CTNNA3: variants seen among roughly 807,000 people sequenced by gnomAD.
CTNNA3 encodes catenin alpha 3.
In CTNNA3, 76 loss-of-function variants were observed where a neutral mutation model predicts 95.7. That is an observed-to-expected ratio of 0.79 (90% CI 0.66 to 0.96). CTNNA3 has a LOEUF of 0.96. CTNNA3 is among the 40% of genes least tolerant of loss of function. CTNNA3 has a pLI of 0.00. For synonymous variants in CTNNA3, 431 were observed against 374.4 expected (o/e 1.15, Z -1.74); for missense variants, 1,191 against 1,089.8 (o/e 1.09, Z -1.31).
At chr10:66,856,896 C>T (rs549128832) in intron 7 of CTNNA3, among the ~76,000 whole-genome samples, 1 of 152,182 alleles carries the variant, frequency 6.6e-6, no homozygotes, top group East Asian at 1.9e-4. Flanking sequence ...TGTGCAGAAG[C>T]TCTTTAGTTT....
At chr10:66,361,952 G>C (rs1313530441) in intron 12 of CTNNA3, among the ~76,000 whole-genome samples, 3 of 152,042 alleles carry the variant, frequency 2.0e-5, no homozygotes, top group East Asian at 3.9e-4. Flanking sequence ...ACTGCATTGA[G>C]AGAATACTTT....
At chr10:67,763,343 G>A (rs1841472553) in intron 1 of CTNNA3, among the ~76,000 whole-genome samples, 1 of 151,980 alleles carries the variant, frequency 6.6e-6, no homozygotes, top group African/African-American at 2.4e-5. Context: ...CAAATATTCT[G>A]CTCTCTTCCA....
At chr10:67,384,977 A>C (rs1279274058) in intron 5 of CTNNA3, among the ~76,000 whole-genome samples, 1 of 152,120 alleles carries the variant, frequency 6.6e-6, no homozygotes, top group Non-Finnish European at 1.5e-5. Context: ...TGCCACCAAA[A>C]AGGCCTATTT....
At chr10:67,078,907 C>A (rs983782266) in intron 7 of CTNNA3, among the ~76,000 whole-genome samples, 1 of 152,188 alleles carries the variant, frequency 6.6e-6, no homozygotes, top group African/African-American at 2.4e-5. Flanking sequence ...CAGAGAGAGA[C>A]AGAATATGCC....
chr10:66,246,272 G>C (rs933440722), intron 13 of CTNNA3, among the ~76,000 whole-genome samples: 1 of 152,092 alleles, frequency 6.6e-6, no homozygotes, highest in Non-Finnish European at 1.5e-5. Flanking sequence ...AGAGTGCAGG[G>C]ATGTCTAAGT....
At chr10:65,942,936 T>C (rs1351706200) in intron 17 of CTNNA3, among the ~76,000 whole-genome samples, 1 of 152,202 alleles carries the variant, frequency 6.6e-6, no homozygotes, top group African/African-American at 2.4e-5. Flanking sequence ...TTGCTACAAT[T>C]ATTATAAAGA....
chr10:66,695,918 G>GGT (rs1554837122), intron 9 of CTNNA3, among the ~76,000 whole-genome samples: 3 of 142,010 alleles, frequency 2.1e-5, no homozygotes, highest in South Asian at 5.1e-4. Context: ...GAGACGTAAG[G>GGT]GGGGGGGGCA....
chr10:67,517,248 C>T (rs894192501), intron 5 of CTNNA3, among the ~76,000 whole-genome samples: 5 of 152,092 alleles, frequency 3.3e-5, no homozygotes, highest in African/African-American at 4.8e-5. Flanking sequence ...TTCACATCAT[C>T]ACTAACTCCT....
At chr10:66,962,459 G>A (rs545300442) in intron 7 of CTNNA3, among the ~76,000 whole-genome samples, 2 of 151,668 alleles carry the variant, frequency 1.3e-5, no homozygotes, top group Admixed American at 1.3e-4. Context: ...CGCTAGGCTG[G>A]AGTGCAGTGG....
At chr10:66,163,908 C>T (rs773953132) in intron 13 of CTNNA3, among the ~76,000 whole-genome samples, 40 of 152,080 alleles carry the variant, frequency 2.6e-4, no homozygotes, top group Non-Finnish European at 5.4e-4. Context: ...CTTCAAATAG[C>T]TTGAGACATG....
At position 66,843,933 on chromosome 10, in the gene CTNNA3, T is replaced by G. The variant is rs531249054; in HGVS notation, c.1048-68409A>C. Among the ~76,000 whole-genome samples, 6 of 152,360 alleles carry G rather than the reference T, an allele frequency of 3.9e-5. No individual in the cohort carries two copies. The South Asian group carries it at 1.2e-3, about 32-fold the overall frequency. ...ATGAAGAGTAACCAGTTTCTTTTAT[T>G]TCTTTGTTTGACAAATAATTGATGC... On this transcript the variant is annotated intron_variant, in intron 7 of 17. Coordinates refer to ENST00000433211, the MANE Select transcript of CTNNA3 (RefSeq NM_013266.4).
At chr10:67,543,624 T>G (rs1418329562) in intron 3 of CTNNA3, among the ~76,000 whole-genome samples, 1 of 152,156 alleles carries the variant, frequency 6.6e-6, no homozygotes, top group Non-Finnish European at 1.5e-5. Flanking sequence ...CTTGACATTA[T>G]GTTTATTATT....
At chr10:67,222,678 G>A (rs1864716496) in intron 5 of CTNNA3, among the ~76,000 whole-genome samples, 1 of 152,164 alleles carries the variant, frequency 6.6e-6, no homozygotes, top group African/African-American at 2.4e-5. Flanking sequence ...AGGATGCACA[G>A]CTCCTCAGAT....
chr10:67,726,586 TGTA>T (rs577230766), intron 1 of CTNNA3, among the ~76,000 whole-genome samples: 4,957 of 66,360 alleles, frequency 0.075, 239 homozygotes, highest in African/African-American at 0.16. Context: ...TTATATAATA[TGTA>T]ATATTATATT....
At chr10:66,666,793 G>A (rs1846466451) in intron 9 of CTNNA3, among the ~76,000 whole-genome samples, 1 of 129,916 alleles carries the variant, frequency 7.7e-6, no homozygotes, top group Non-Finnish European at 1.6e-5. Flanking sequence ...CTGAAAACTG[G>A]TTCTTGGGGA....
intron 1 of CTNNA3, among the ~76,000 whole-genome samples, chr10:67,695,000 AT>A: frequency 6.6e-6 from 1 of 152,256 alleles, no homozygotes; most frequent in Non-Finnish European, 1.5e-5. Flanking sequence ...TACTGAGATA[AT>A]TTTTTATAAT....
At chr10:66,566,442 A>T (rs543913932) in intron 10 of CTNNA3, among the ~76,000 whole-genome samples, 2 of 152,350 alleles carry the variant, frequency 1.3e-5, no homozygotes, top group Admixed American at 1.3e-4. Flanking sequence ...CTGTGCCCAG[A>T]TTGAAATGCA....
chr10:67,532,217 A>G (rs1342661820), intron 4 of CTNNA3, among the ~76,000 whole-genome samples: 1 of 152,176 alleles, frequency 6.6e-6, no homozygotes, highest in Non-Finnish European at 1.5e-5. Context: ...AAGATCTTCC[A>G]CAAAATATAC....
chr10:66,840,360 TCTCTCTCTCTCTCACACACACACA>T (rs1162963327), intron 7 of CTNNA3, among the ~76,000 whole-genome samples: 22 of 118,826 alleles, frequency 1.9e-4, no homozygotes, highest in African/African-American at 7.0e-4. Flanking sequence ...TCTCTCTCTC[TCTCTCTCTCTCTCACACACACACA>T]CACACACACA....
Sources: gnomAD v4.1 joint callset for allele counts (sites outside exome capture counted in the v4.1 genomes callset) on GRCh38, gnomAD v4.1.1 for gene constraint, MANE v1.5 for transcripts, NCBI Gene and HGNC (gene_info 2026-07-23, HGNC 2026-07-21) for gene names.